Variants in CNTLN observed in about 807,000 individuals in gnomAD.
CNTLN encodes centlein, centrosomal protein.
A neutral mutation model predicts 180.0 loss-of-function variants in CNTLN; 212 were observed. That is an observed-to-expected ratio of 1.18 (90% CI 1.05 to 1.32). CNTLN has a LOEUF of 1.32. Ranked by LOEUF, CNTLN falls within the 40% of genes most tolerant of loss-of-function variation. The probability of loss-of-function intolerance (pLI) is 0.00; values close to 1 mark genes in which losing one functional copy is unlikely to be tolerated. For missense variants in CNTLN, 2,095 were observed against 1,610.9 expected (o/e 1.30, Z -5.14); for synonymous variants, 722 against 563.1 (o/e 1.28, Z -3.99).
intron 15 of CNTLN, among the ~76,000 whole-genome samples, chr9:17,400,802 C>G (rs899551679): frequency 2.0e-5 from 3 of 152,066 alleles, no homozygotes; most frequent in Non-Finnish European, 4.4e-5. Context: ...CATTCATTCC[C>G]AGTTGTGGTC....
chr9:17,394,672 GA>G lies in CNTLN; in HGVS notation c.2223del (p.Glu742SerfsTer2). On this transcript the variant is annotated frameshift_variant, in exon 15 of 26. Coordinates refer to ENST00000380647, the MANE Select transcript of CNTLN (RefSeq NM_017738.4). LOFTEE classifies it high-confidence loss of function. ...KQQQEDTETR[E>X]KELEQIIKGS... is the part of the protein sequence containing the mutation. ...GCAACAAGAAGATACAGAGACCAGA[GA>G]AAAAGAGCTAGAACAGATAATAAAG... is the stretch of plus-strand genomic sequence containing the variant. The G allele has an allele frequency of 6.2e-7, 1 of 1,613,014 alleles. No individual in the cohort carries two copies. Among genetic ancestry groups the G allele is most frequent in the Non-Finnish European group, 8.5e-7 (1 of 1,179,584 alleles).
At chr9:17,389,424 T>A (rs1275411173) in intron 14 of CNTLN, among the ~76,000 whole-genome samples, 1 of 152,190 alleles carries the variant, frequency 6.6e-6, no homozygotes, top group Admixed American at 6.5e-5. Context: ...ACTATGCTAC[T>A]ATTTCTTGCC....
chr9:17,312,972 A>G (rs896830339), intron 8 of CNTLN, among the ~76,000 whole-genome samples: 10 of 152,034 alleles, frequency 6.6e-5, no homozygotes, highest in Admixed American at 5.9e-4. Context: ...AGTTTTCTCA[A>G]TTTTTGCTTC....
In CNTLN at chr9:17,462,968, T is replaced by C. The variant is rs779318420; in HGVS notation, c.3359T>C (p.Phe1120Ser). 2.5e-6 allele frequency: 4 copies of C among 1,584,560 alleles called. No individual in the cohort carries two copies. The highest frequency in any genetic ancestry group is 2.3e-5 in the South Asian group (2 of 86,672). ...KQSSNVKTLK[F>S]ELLAKEEHIK... ...TCATCAAATGTGAAGACTTTGAAAT[T>C]TGAACTCCTAGCAAAAGAAGAACAC... The change falls in exon 20 of 26, where the codon TTT becomes TCT. Residue 1120 changes from phenylalanine to serine, a missense_variant. Phe to Ser is a radical substitution (Grantham distance 155). Coordinates refer to ENST00000380647, the MANE Select transcript of CNTLN (RefSeq NM_017738.4).
At chr9:17,217,302 G>T (rs1043865696) in intron 2 of CNTLN, among the ~76,000 whole-genome samples, 3 of 152,158 alleles carry the variant, frequency 2.0e-5, no homozygotes, top group Non-Finnish European at 4.4e-5. Context: ...GTTTATTTCT[G>T]TTTTCTTAAA....
chr9:17,303,806 T>A (rs1018744657), intron 7 of CNTLN, among the ~76,000 whole-genome samples: 1 of 152,156 alleles, frequency 6.6e-6, no homozygotes, highest in South Asian at 2.1e-4. Context: ...TTTCAAACAT[T>A]TTCACATAGA....
intron 2 of CNTLN, among the ~76,000 whole-genome samples, chr9:17,192,631 G>C (rs1821863174): frequency 1.3e-5 from 2 of 152,098 alleles, no homozygotes; most frequent in South Asian, 4.1e-4. Context: ...GCTAATGAAT[G>C]GTGGAGTCAG....
chr9:17,140,643 T>C (rs1818026277), intron 1 of CNTLN, among the ~76,000 whole-genome samples: 1 of 152,124 alleles, frequency 6.6e-6, no homozygotes, highest in Non-Finnish European at 1.5e-5. Flanking sequence ...GGTCTCACTA[T>C]GTTGCCCAGG....
intron 7 of CNTLN, chr9:17,299,483 C>G (rs1403294721): frequency 2.0e-6 from 2 of 981,308 alleles, no homozygotes; most frequent in Non-Finnish European, 2.4e-6. Flanking sequence ...AATCGAATGT[C>G]TATAATTAAC....
intron 15 of CNTLN, among the ~76,000 whole-genome samples, chr9:17,405,793 A>T (rs772224947): frequency 1.3e-5 from 2 of 151,296 alleles, no homozygotes; most frequent in Non-Finnish European, 2.9e-5. Context: ...TATTATTATT[A>T]TTTTTATTTT....
chr9:17,228,391 C>T (rs948572267), intron 3 of CNTLN, among the ~76,000 whole-genome samples: 2 of 151,910 alleles, frequency 1.3e-5, no homozygotes, highest in African/African-American at 4.8e-5. Flanking sequence ...ACCCAAATTT[C>T]TTAGGATTAA....
chr9:17,341,598 G>T (rs933829006), intron 11 of CNTLN, among the ~76,000 whole-genome samples: 1 of 152,134 alleles, frequency 6.6e-6, no homozygotes, highest in Non-Finnish European at 1.5e-5. Context: ...CATCTTTTGA[G>T]ATGGATCCTT....
chr9:17,204,694 TG>T (rs1822789501), intron 2 of CNTLN, among the ~76,000 whole-genome samples: 1 of 152,194 alleles, frequency 6.6e-6, no homozygotes, highest in African/African-American at 2.4e-5. Flanking sequence ...TCTGAACTAG[TG>T]CACTTTGCTG....
chr9:17,451,105 G>A (rs969031231), intron 18 of CNTLN, among the ~76,000 whole-genome samples: 1 of 152,002 alleles, frequency 6.6e-6, no homozygotes, highest in African/African-American at 2.4e-5. Context: ...ATTTCTTTCA[G>A]TTTTATCCCC....
At chr9:17,328,988 A>G (rs1039926517) in intron 8 of CNTLN, among the ~76,000 whole-genome samples, 1 of 151,994 alleles carries the variant, frequency 6.6e-6, no homozygotes, top group African/African-American at 2.4e-5. Flanking sequence ...TATTTGAGTT[A>G]TTTATCATAG....
At chr9:17,231,410 T>C (rs972171566) in intron 3 of CNTLN, among the ~76,000 whole-genome samples, 1 of 152,082 alleles carries the variant, frequency 6.6e-6, no homozygotes, top group East Asian at 1.9e-4. Context: ...ATTATTAGTA[T>C]AAAGAATTGC....
intron 23 of CNTLN, among the ~76,000 whole-genome samples, chr9:17,475,029 T>A (rs1011601140): frequency 6.6e-6 from 1 of 152,204 alleles, no homozygotes; most frequent in Non-Finnish European, 1.5e-5. Context: ...ACATTTTACC[T>A]CACTATTCCA....
intron 2 of CNTLN, among the ~76,000 whole-genome samples, chr9:17,183,082 GT>G (rs1373095490): frequency 6.6e-6 from 1 of 152,138 alleles, no homozygotes; most frequent in Non-Finnish European, 1.5e-5. Flanking sequence ...GTAGTTAAGT[GT>G]ATCTGTGAGT....
intron 5 of CNTLN, among the ~76,000 whole-genome samples, chr9:17,257,305 C>T (rs1563926731): frequency 6.6e-6 from 1 of 152,072 alleles, no homozygotes; most frequent in Non-Finnish European, 1.5e-5. Context: ...AGGACATGAA[C>T]TCATCATTTT....
Sources: gnomAD v4.1 joint callset for allele counts (sites outside exome capture counted in the v4.1 genomes callset) on GRCh38, gnomAD v4.1.1 for gene constraint, MANE v1.5 for transcripts, NCBI Gene and HGNC (gene_info 2026-07-23, HGNC 2026-07-21) for gene names.